Variants in ZBTB20 observed in about 807,000 individuals in gnomAD.
ZBTB20 encodes zinc finger and BTB domain containing 20, also known as zinc finger and BTB domain-containing protein 20.
ZBTB20 carries 9 observed loss-of-function variants against 56.9 expected under a neutral mutation model. That is an observed-to-expected ratio of 0.16 (90% CI 0.10 to 0.28). The LOEUF (loss-of-function observed/expected upper bound fraction) is 0.28, where lower values mean the gene tolerates loss of function less well. ZBTB20 is among the 10% of genes least tolerant of loss of function. The pLI, the probability that ZBTB20 is intolerant of heterozygous loss-of-function variation, is 1.00. For missense variants in ZBTB20, 655 were observed against 1,003.0 expected (o/e 0.65, Z 4.69); for synonymous variants, 417 against 420.7 (o/e 0.99, Z 0.11).
intron 7 of ZBTB20, among the ~76,000 whole-genome samples, chr3:114,469,790 T>C (rs986307450): frequency 1.3e-5 from 2 of 152,176 alleles, no homozygotes; most frequent in African/African-American, 2.4e-5. Context: ...TCTCTTATCA[T>C]GATGTTCAAA....
chr3:114,514,912 G>T (rs892817849), intron 6 of ZBTB20, among the ~76,000 whole-genome samples: 7 of 152,122 alleles, frequency 4.6e-5, no homozygotes, highest in Non-Finnish European at 7.4e-5. Flanking sequence ...TTGACCCATG[G>T]GAGGTTCCTA....
intron 3 of ZBTB20, chr3:114,900,707 G>A (rs553494141): frequency 6.6e-6 from 1 of 151,266 alleles, no homozygotes; most frequent in East Asian, 1.9e-4. Context: ...ATACAAATAT[G>A]ACTGCTGCTC....
At chr3:114,344,502 T>C (rs1348401512) in intron 11 of ZBTB20, among the ~76,000 whole-genome samples, 1 of 152,240 alleles carries the variant, frequency 6.6e-6, no homozygotes, top group Non-Finnish European at 1.5e-5. Context: ...TATTAATGGC[T>C]TTGATAGTTT....
In ZBTB20 at chr3:114,599,957, G is replaced by A. The variant is rs147134069; in HGVS notation, c.-295+93571C>T. On this transcript the variant is annotated intron_variant, in intron 6 of 11. Coordinates refer to ENST00000675478, the MANE Select transcript of ZBTB20 (RefSeq NM_001348800.3). ...GAGTGGGAAGAGAAAGAGAGCGAGCGAGCACATAAGATTCCAAATAAAATG... is the reference window on the plus strand; with the variant it reads ...GAGTGGGAAGAGAAAGAGAGCGAGCAAGCACATAAGATTCCAAATAAAATG... Among the ~76,000 whole-genome samples the A allele has an allele frequency of 2.4e-3, 367 of 151,874 alleles. 3 individuals carry two copies. Among genetic ancestry groups the A allele is most frequent in the African/African-American group, 8.4e-3 (347 of 41,470 alleles).
chr3:114,774,632 G>C lies in ZBTB20; in HGVS notation c.-343+26469C>G, dbSNP rs538930300. On this transcript the variant is annotated intron_variant, in intron 5 of 11. Transcript: ENST00000675478. ...CTGTCCCCATTTAATATTTCTAAAG[G>C]GGGTGGATAACAAATCTCGCCAACT... Among the ~76,000 whole-genome samples the C allele has an allele frequency of 3.3e-5, 5 of 152,168 alleles. No homozygotes were observed. The East Asian group carries it at 9.6e-4, about 29-fold the overall frequency.
At chr3:114,915,528 A>T (rs1397601599) in intron 3 of ZBTB20, among the ~76,000 whole-genome samples, 1 of 151,892 alleles carries the variant, frequency 6.6e-6, no homozygotes, top group Admixed American at 6.6e-5. Context: ...TTTTCAAAAA[A>T]CCAACTTTTC....
intron 3 of ZBTB20, among the ~76,000 whole-genome samples, chr3:114,971,781 A>C (rs1449234676): frequency 2.0e-5 from 3 of 152,228 alleles, no homozygotes; most frequent in Non-Finnish European, 2.9e-5. Flanking sequence ...AAGATGGAAC[A>C]GAGACAGTTA....
At position 114,321,896 on chromosome 3, in the gene ZBTB20, C is replaced by T. The variant is rs1174173585; in HGVS notation, c.*17109G>A. The T allele has an allele frequency of 1.3e-5, 2 of 152,228 alleles. No homozygotes were observed. Among genetic ancestry groups the T allele is most frequent in the African/African-American group, 4.8e-5 (2 of 41,454 alleles). 9.4% of individuals were successfully genotyped at this position (152,228 alleles called of 1,614,324 possible). ...CCTCAGAAGACTGGAGGCAATGGTA[C>T]AGAAAAGCGTAACTGAATAAATTAT... On this transcript the variant is annotated 3_prime_UTR_variant, in exon 12 of 12. Transcript: ENST00000675478.
At chr3:115,001,775 A>T (rs2079261945) in intron 2 of ZBTB20, among the ~76,000 whole-genome samples, 1 of 151,478 alleles carries the variant, frequency 6.6e-6, no homozygotes, top group Non-Finnish European at 1.5e-5. Flanking sequence ...GAGATATTCC[A>T]TGTTCATGGA....
chr3:114,517,042 G>A (rs907997824), intron 6 of ZBTB20, among the ~76,000 whole-genome samples: 1 of 152,138 alleles, frequency 6.6e-6, no homozygotes, highest in Non-Finnish European at 1.5e-5. Context: ...GGTACTTACT[G>A]AGTGCCTACT....
chr3:114,576,643 G>C (rs2054089542), intron 6 of ZBTB20, among the ~76,000 whole-genome samples: 1 of 150,048 alleles, frequency 6.7e-6, no homozygotes, highest in African/African-American at 2.4e-5. Flanking sequence ...ATTTCATGTA[G>C]GATACTACTT....
chr3:114,316,071 G>A lies in ZBTB20; in HGVS notation c.*22934C>T. 1 of 202,124 alleles carries A rather than the reference G, an allele frequency of 4.9e-6. No individual in the cohort carries two copies. The highest frequency in any genetic ancestry group is 2.4e-5 in the African/African-American group (1 of 41,650). 12.5% of individuals were successfully genotyped at this position (202,124 alleles called of 1,614,324 possible). On this transcript the variant is annotated 3_prime_UTR_variant, in exon 12 of 12. Transcript: ENST00000675478. ...TTTGAGGTTTCTGACATCTTTCACTGAAAAGGGCTTTCACTGTAGTAGTTT... is the reference window on the plus strand; with the variant it reads ...TTTGAGGTTTCTGACATCTTTCACTAAAAAGGGCTTTCACTGTAGTAGTTT...
chr3:114,452,914 C>T (rs1487899474), intron 7 of ZBTB20, among the ~76,000 whole-genome samples: 1 of 151,478 alleles, frequency 6.6e-6, no homozygotes, highest in African/African-American at 2.4e-5. Flanking sequence ...CTATAATGTA[C>T]CTTAAAAAGA....
intron 5 of ZBTB20, among the ~76,000 whole-genome samples, chr3:114,704,284 T>G (rs2063577405): frequency 6.6e-6 from 1 of 152,136 alleles, no homozygotes. Context: ...AACGTCTATA[T>G]TTATATGCTT....
rs548606235 is a variant in ZBTB20 at position 114,726,189 on chromosome 3, G to C, written c.-342-32614C>G. ...ATTTGAATGGATAATGCAGGAGAGA[G>C]AGGATTTGGCTAGACAGAGGAACAA... On this transcript the variant is annotated intron_variant, in intron 5 of 11. Coordinates refer to ENST00000675478, the MANE Select transcript of ZBTB20 (RefSeq NM_001348800.3). Among the ~76,000 whole-genome samples, 9 of 152,254 alleles carry C rather than the reference G, an allele frequency of 5.9e-5. No individual in the cohort carries two copies. In the South Asian group the frequency reaches 1.7e-3, roughly 28 times the overall value.
chr3:114,875,143 C>T (rs2076146998), intron 4 of ZBTB20, among the ~76,000 whole-genome samples: 3 of 152,136 alleles, frequency 2.0e-5, no homozygotes, highest in South Asian at 2.1e-4. Context: ...CTGCTCTCCT[C>T]GTGTGCTTCA....
In ZBTB20 at chr3:114,423,972, C is replaced by T. The variant is rs116412489; in HGVS notation, c.-254-34867G>A. 5.4e-3 allele frequency among the ~76,000 whole-genome samples: 817 copies of T among 152,316 alleles called. 12 individuals carry two copies. Among genetic ancestry groups the T allele is most frequent in the African/African-American group, 0.019 (791 of 41,562 alleles). ...ACCAACCTCATGTGAACTGTTTGATCCCATTATTGACCAGTCTTTATCAAT... is the reference window on the plus strand; with the variant it reads ...ACCAACCTCATGTGAACTGTTTGATTCCATTATTGACCAGTCTTTATCAAT... On this transcript the variant is annotated intron_variant, in intron 7 of 11. Coordinates refer to ENST00000675478, the MANE Select transcript of ZBTB20 (RefSeq NM_001348800.3).
At chr3:114,665,996 A>T (rs1384004405) in intron 6 of ZBTB20, among the ~76,000 whole-genome samples, 1 of 152,024 alleles carries the variant, frequency 6.6e-6, no homozygotes, top group Non-Finnish European at 1.5e-5. Context: ...GGTAAGATCA[A>T]ATGGAATCCT....
At chr3:115,042,866 T>C (rs1250807235) in intron 2 of ZBTB20, among the ~76,000 whole-genome samples, 2 of 152,250 alleles carry the variant, frequency 1.3e-5, no homozygotes, top group Admixed American at 6.5e-5. Flanking sequence ...ATCTTTTCCA[T>C]GCTTTATGAT....
Sources: gnomAD v4.1 joint callset for allele counts (sites outside exome capture counted in the v4.1 genomes callset) on GRCh38, gnomAD v4.1.1 for gene constraint, MANE v1.5 for transcripts, NCBI Gene and HGNC (gene_info 2026-07-23, HGNC 2026-07-21) for gene names.